Variants in MAGI2 observed in about 807,000 individuals in gnomAD.
MAGI2 encodes the protein membrane-associated guanylate kinase, WW and PDZ domain-containing protein 2.
MAGI2 carries 35 observed loss-of-function variants against 133.3 expected under a neutral mutation model. The ratio of observed to expected loss-of-function variants is 0.26; its 90% CI spans 0.20 to 0.35. MAGI2 has a LOEUF of 0.35. Among genes scored for constraint, MAGI2 ranks in the 10% least tolerant of loss-of-function variants. The pLI, the probability that MAGI2 is intolerant of heterozygous loss-of-function variation, is 1.00. For synonymous variants in MAGI2, 729 were observed against 710.6 expected (o/e 1.03, Z -0.41); for missense variants, 1,636 against 1,863.4 (o/e 0.88, Z 2.25).
At chr7:78,743,873 T>C (rs1381086033) in intron 2 of MAGI2, among the ~76,000 whole-genome samples, 1 of 152,182 alleles carries the variant, frequency 6.6e-6, no homozygotes, top group African/African-American at 2.4e-5. Flanking sequence ...CATTCCATTT[T>C]TTTTCCTTCT....
At chr7:78,888,051 G>A (rs145223512) in intron 2 of MAGI2, among the ~76,000 whole-genome samples, 3,987 of 152,266 alleles carry the variant, frequency 0.026, 77 homozygotes, top group Middle Eastern at 0.051. Flanking sequence ...CTTTTCCAAC[G>A]GTCTTAGCAA....
intron 2 of MAGI2, among the ~76,000 whole-genome samples, chr7:78,943,263 G>A (rs1360832467): frequency 6.6e-6 from 1 of 152,006 alleles, no homozygotes; most frequent in African/African-American, 2.4e-5. Context: ...TTATTGACCC[G>A]ATTTTTTAAA....
intron 2 of MAGI2, among the ~76,000 whole-genome samples, chr7:78,849,771 C>T (rs567970568): frequency 7.2e-5 from 11 of 151,960 alleles, no homozygotes; most frequent in Non-Finnish European, 1.6e-4. Flanking sequence ...TTAATAATGT[C>T]TCAGAAATGA....
At chr7:78,643,370 G>T (rs1021632270) in intron 2 of MAGI2, among the ~76,000 whole-genome samples, 1 of 152,238 alleles carries the variant, frequency 6.6e-6, no homozygotes, top group East Asian at 1.9e-4. Context: ...TGAAAAAGTA[G>T]TAATTTTCTA....
At chr7:79,435,575 T>C (rs1848076770) in intron 1 of MAGI2, among the ~76,000 whole-genome samples, 2 of 152,174 alleles carry the variant, frequency 1.3e-5, no homozygotes, top group Non-Finnish European at 2.9e-5. Context: ...CAGTTTAAAA[T>C]ACTCTACTTT....
intron 2 of MAGI2, among the ~76,000 whole-genome samples, chr7:78,827,150 A>G (rs1472730603): frequency 2.6e-5 from 4 of 152,172 alleles, no homozygotes; most frequent in African/African-American, 9.6e-5. Context: ...ACACACATCT[A>G]TTTTCTTGCT....
chr7:79,347,661 C>T (rs774078946), intron 1 of MAGI2, among the ~76,000 whole-genome samples: 1 of 151,834 alleles, frequency 6.6e-6, no homozygotes, highest in African/African-American at 2.4e-5. Context: ...GCTGTTTTCC[C>T]CTTAATTTTA....
At chr7:79,109,083 G>A (rs1359138248) in intron 1 of MAGI2, among the ~76,000 whole-genome samples, 1 of 152,154 alleles carries the variant, frequency 6.6e-6, no homozygotes, top group Non-Finnish European at 1.5e-5. Flanking sequence ...TCCAGTCTCA[G>A]TTATTTTGTT....
intron 1 of MAGI2, among the ~76,000 whole-genome samples, chr7:79,069,179 G>C (rs906630550): frequency 1.3e-5 from 2 of 152,122 alleles, no homozygotes; most frequent in African/African-American, 4.8e-5. Flanking sequence ...TCGTTGACCT[G>C]TCCAGTGTGG....
At chr7:78,495,286 T>G (rs1462915618) in intron 5 of MAGI2, among the ~76,000 whole-genome samples, 1 of 152,088 alleles carries the variant, frequency 6.6e-6, no homozygotes, top group East Asian at 1.9e-4. Context: ...CAACAGGCCC[T>G]GGTGTGTGAT....
intron 2 of MAGI2, among the ~76,000 whole-genome samples, chr7:78,765,763 G>T (rs1488612959): frequency 6.6e-6 from 1 of 151,982 alleles, no homozygotes; most frequent in African/African-American, 2.4e-5. Context: ...GGCAGAGAAA[G>T]ACATTAATCA....
intron 6 of MAGI2, among the ~76,000 whole-genome samples, chr7:78,452,188 G>A (rs1372751838): frequency 6.6e-6 from 1 of 151,940 alleles, no homozygotes; most frequent in African/African-American, 2.4e-5. Flanking sequence ...TTTAAAATGA[G>A]GAAATGGAGA....
At chr7:78,924,800 C>T (rs1043906897) in intron 2 of MAGI2, among the ~76,000 whole-genome samples, 4 of 151,660 alleles carry the variant, frequency 2.6e-5, no homozygotes, top group African/African-American at 9.7e-5. Flanking sequence ...ACAACAGTTC[C>T]CCCTACTGGA....
At chr7:78,644,914 T>C (rs1190394419) in intron 2 of MAGI2, among the ~76,000 whole-genome samples, 1 of 152,166 alleles carries the variant, frequency 6.6e-6, no homozygotes, top group African/African-American at 2.4e-5. Context: ...AAATTATCAG[T>C]ATTACAATGA....
intron 2 of MAGI2, among the ~76,000 whole-genome samples, chr7:78,672,568 A>G (rs921519570): frequency 1.3e-5 from 2 of 152,186 alleles, no homozygotes; most frequent in Admixed American, 6.5e-5. Context: ...GGTTTCATCT[A>G]TCTGAATAAA....
intron 2 of MAGI2, among the ~76,000 whole-genome samples, chr7:78,895,293 T>C (rs1797114888): frequency 1.3e-5 from 2 of 152,176 alleles, no homozygotes; most frequent in South Asian, 4.1e-4. Flanking sequence ...ATGTGATATC[T>C]TGTCTTGAGA....
At chr7:78,546,719 T>G (rs529982984) in intron 3 of MAGI2, among the ~76,000 whole-genome samples, 42 of 152,090 alleles carry the variant, frequency 2.8e-4, no homozygotes, top group Non-Finnish European at 4.9e-4. Context: ...AGCAGTATAA[T>G]TTAGGATTAG....
chr7:78,653,023 CAT>C (rs768197666), intron 2 of MAGI2, among the ~76,000 whole-genome samples: 8 of 151,860 alleles, frequency 5.3e-5, no homozygotes, highest in African/African-American at 4.8e-5. Flanking sequence ...GGTCAACAAA[CAT>C]ATGAAAAAAA....
intron 2 of MAGI2, among the ~76,000 whole-genome samples, chr7:78,933,817 A>C (rs1447974713): frequency 6.6e-6 from 1 of 152,116 alleles, no homozygotes; most frequent in Non-Finnish European, 1.5e-5. Context: ...TCGTAAGACA[A>C]AAAATATTGT....
Sources: allele counts gnomAD v4.1 joint callset (sites outside exome capture counted in the v4.1 genomes callset), GRCh38; gene constraint gnomAD v4.1.1; transcripts MANE v1.5; gene names NCBI Gene and HGNC (gene_info 2026-07-23, HGNC 2026-07-21).